The following GSTK1 variants were observed in gnomAD, a reference collection of about 807,000 sequenced individuals.
The protein encoded by GSTK1 is glutathione S-transferase kappa 1, also known as GST class-kappa.
Under a neutral mutation model 30.9 loss-of-function variants are expected in GSTK1, and 25 were observed. The ratio of observed to expected loss-of-function variants is 0.81; its 90% CI spans 0.59 to 1.13. The LOEUF (loss-of-function observed/expected upper bound fraction) is 1.13, where lower values mean the gene tolerates loss of function less well. Among genes scored for constraint, GSTK1 ranks in the 50% most tolerant of loss-of-function variants. The probability of loss-of-function intolerance (pLI) is 0.00; values close to 1 mark genes in which losing one functional copy is unlikely to be tolerated. For missense variants in GSTK1, 292 were observed against 292.4 expected, an observed-to-expected ratio of 1.00 and a Z score of 0.01; for synonymous variants, 108 against 112.5, an observed-to-expected ratio of 0.96 and a Z score of 0.25.
rs746644751 is a variant in GSTK1 at position 143,268,819 on chromosome 7, C to T, written c.663C>T (p.Ala221=). 6.2e-6 allele frequency: 10 copies of T among 1,613,854 alleles called. No individual in the cohort carries two copies. Among genetic ancestry groups the T allele is most frequent in the South Asian group, 3.3e-5 (3 of 91,084 alleles). The change falls in exon 8 of 8, where the codon GCC becomes GCT. Residue 221 remains alanine (A), a synonymous_variant. Coordinates refer to ENST00000358406, the MANE Select transcript of GSTK1 (RefSeq NM_015917.3). This position sits in a 1 kb window ranked among gnomAD's most constrained non-coding sequence, Gnocchi z 4.1. ...GEKWMGPIPP[A]VNARL is the part of the protein sequence containing the mutation. ...AGTGGATGGGCCCTATACCTCCAGC[C>T]GTGAATGCCAGACTTTAAGATTGCC...
In GSTK1 at chr7:143,268,181, C is replaced by T. The variant is rs1800937769; in HGVS notation, c.628C>T (p.Leu210=). Residue 210 remains leucine (L), a synonymous_variant, in exon 7 of 8, where the codon CTG becomes TTG. Coordinates refer to ENST00000358406, the MANE Select transcript of GSTK1 (RefSeq NM_015917.3). The surrounding 1 kb of genome is among the most constrained non-coding windows in gnomAD (Gnocchi z 4.1). ...CCGGATGGAGCTGCTGGCGCACCTG[C>T]TGGGTAAGTAAGTTAAAGAATCAAC... is the stretch of plus-strand genomic sequence containing the variant. ...SDRMELLAHL[L]GEKWMGPIPP... is the part of the protein sequence containing the mutation. 1 of 1,612,920 alleles carries T rather than the reference C, an allele frequency of 6.2e-7. No individual in the cohort carries two copies. Among genetic ancestry groups the T allele is most frequent in the East Asian group, 2.2e-5 (1 of 44,874 alleles).
chr7:143,263,519 G>T lies in GSTK1; in HGVS notation c.6G>T (p.Gly2=), dbSNP rs1386884929. 1.3e-5 allele frequency: 21 copies of T among 1,609,934 alleles called. No individual in the cohort carries two copies. Among genetic ancestry groups the T allele is most frequent in the Non-Finnish European group, 1.8e-5 (21 of 1,179,964 alleles). The change falls in exon 1 of 8, where the codon GGG becomes GGT. Residue 2 remains glycine (G), a synonymous_variant. Transcript: ENST00000358406. M[G]PLPRTVELFY... ...GCTCTTCCGGAGCCTGCAGCATGGG[G>T]CCCCTGCCGCGCACCGTGGAGCTCT... is the stretch of plus-strand genomic sequence containing the variant.
At position 143,264,644 on chromosome 7, in the gene GSTK1, C is replaced by T. The variant is rs748550470; in HGVS notation, c.251C>T (p.Pro84Leu). 1.1e-5 allele frequency: 18 copies of T among 1,613,960 alleles called. No homozygotes were observed. Among genetic ancestry groups the T allele is most frequent in the Non-Finnish European group, 1.7e-6 (2 of 1,179,992 alleles). ...CATCTCCAGATTCCCATCCACTTCC[C>T]CAAGGATTTCTTGTCTGTGATGCTT... Reference protein sequence around the residue: ...RHHLQIPIHFPKDFLSVMLEK... With the variant: ...RHHLQIPIHFLKDFLSVMLEK... Residue 84 changes from proline (P) to leucine (L), a missense_variant, in exon 3 of 8, where the codon CCC becomes CTC. Transcript: ENST00000358406.
Position 143,268,772 on chromosome 7 carries a change from TG to T in GSTK1, c.632-15del. 1 of 1,613,254 alleles carries T rather than the reference TG, an allele frequency of 6.2e-7. No homozygotes were observed. The highest frequency in any genetic ancestry group is 8.5e-7 in the Non-Finnish European group (1 of 1,179,236). ...CCTGAGAACAGTGTGCAGAGTCTGT[TG>T]TTTTCTTCATCCAGGAGAGAAGTGG... On this transcript the variant is annotated splice_polypyrimidine_tract_variant and intron_variant, in intron 7 of 7. Transcript: ENST00000358406. This position sits in a 1 kb window ranked among gnomAD's most constrained non-coding sequence, Gnocchi z 4.1.
chr7:143,268,199 G>T lies in GSTK1; in HGVS notation c.631+15G>T. ...GCACCTGCTGGGTAAGTAAGTTAAA[G>T]AATCAACCCTGAGCCAGGTGCAGTG... On this transcript the variant is annotated intron_variant, in intron 7 of 7. Transcript: ENST00000358406. The surrounding 1 kb of genome is among the most constrained non-coding windows in gnomAD (Gnocchi z 4.1). 1 of 1,606,688 alleles carries T rather than the reference G, an allele frequency of 6.2e-7. No individual in the cohort carries two copies. The highest frequency in any genetic ancestry group is 1.1e-5 in the South Asian group (1 of 90,574).
In GSTK1 at chr7:143,265,427, T is replaced by C. The variant is rs967365321; in HGVS notation, c.420+131T>C. On this transcript the variant is annotated intron_variant, in intron 5 of 7. Transcript: ENST00000358406. ...TAATTACTGGGGAAGAAAGGATGTCTGTGATTCAGGGCACAAACTACTGAA... is the reference window on the plus strand; with the variant it reads ...TAATTACTGGGGAAGAAAGGATGTCCGTGATTCAGGGCACAAACTACTGAA... The C allele has an allele frequency of 3.5e-6, 3 of 858,208 alleles. No homozygotes were observed. In the African/African-American group the frequency reaches 5.1e-5, roughly 15 times the overall value. The allele number at this position is 858,208 out of a possible 1,614,324, so 53.2% of individuals were successfully genotyped here. A position where few individuals can be genotyped will look rare whatever the true frequency, so the allele number is the denominator to read the frequency against.
At position 143,263,499 on chromosome 7, in the gene GSTK1, TC is replaced by T; in HGVS notation, c.-13del. ...AAGGAGCTCCTGCTGCCACTGCTCTTCCGGAGCCTGCAGCATGGGGCCCCTG... is the reference window on the plus strand; with the variant it reads ...AAGGAGCTCCTGCTGCCACTGCTCTTCGGAGCCTGCAGCATGGGGCCCCTG... On this transcript the variant is annotated 5_prime_UTR_variant, in exon 1 of 8. Coordinates refer to ENST00000358406, the MANE Select transcript of GSTK1 (RefSeq NM_015917.3). 2 of 1,608,246 alleles carry T rather than the reference TC, an allele frequency of 1.2e-6. No homozygotes were observed. Among genetic ancestry groups the T allele is most frequent in the Non-Finnish European group, 1.7e-6 (2 of 1,179,478 alleles).
chr7:143,265,373 A>G, intron 5 of GSTK1, 77 bp downstream of exon 5: 2 of 1,248,458 alleles, frequency 1.6e-6, no homozygotes, highest in East Asian at 5.1e-5. Context: ...AAAGAAGACA[A>G]TAGGTCTCTT....
rs1342698160 is a variant in GSTK1, at chr7:143,263,696, G to T, written c.72+111G>T. On this transcript the variant is annotated intron_variant, in intron 1 of 7. Transcript: ENST00000358406. The stretch of plus-strand genomic sequence containing the variant: ...CGTGTAACTCCTGGCGCCGCCCAAG[G>T]GGTTAAGGCAAGCAGGGAGAGCTCC... 5.0e-6 allele frequency: 5 copies of T among 996,472 alleles called. No homozygotes were observed. In the Admixed American group the frequency reaches 1.0e-4, roughly 20 times the overall value. The allele number at this position is 996,472 out of a possible 1,614,324, so 61.7% of individuals were successfully genotyped here.
At position 143,267,615 on chromosome 7, in the gene GSTK1, A is replaced by C. The variant is rs570471159; in HGVS notation, c.421-2A>C. 7 of 1,603,710 alleles carry C rather than the reference A, an allele frequency of 4.4e-6. No individual in the cohort carries two copies. The African/African-American group carries it at 9.4e-5, about 21-fold the overall frequency. On this transcript the variant is annotated splice_acceptor_variant, in intron 5 of 7. Transcript: ENST00000358406. LOFTEE classifies it high-confidence loss of function. Reference sequence around the variant, plus strand: ...GTTGTATTCCCTACTATATTCCCTTAGGCTGCAGAGAAGGCTGGTATGTCT... The same window carrying C: ...GTTGTATTCCCTACTATATTCCCTTCGGCTGCAGAGAAGGCTGGTATGTCT...
At position 143,263,506 on chromosome 7, in the gene GSTK1, C is replaced by G; in HGVS notation, c.-8C>G. On this transcript the variant is annotated 5_prime_UTR_variant, in exon 1 of 8. Transcript: ENST00000358406. ...TCCTGCTGCCACTGCTCTTCCGGAG[C>G]CTGCAGCATGGGGCCCCTGCCGCGC... The G allele has an allele frequency of 6.2e-7, 1 of 1,608,994 alleles. No homozygotes were observed. The highest frequency in any genetic ancestry group is 8.5e-7 in the Non-Finnish European group (1 of 1,179,642).
At chr7:143,266,852 G>A (rs1339542856) in intron 5 of GSTK1, among the ~76,000 whole-genome samples, 1 of 151,236 alleles carries the variant, frequency 6.6e-6, no homozygotes, top group South Asian at 2.1e-4. Context: ...TAGAGATGGG[G>A]GTTTCACTTT....
At position 143,268,049 on chromosome 7, in the gene GSTK1, G is replaced by T; in HGVS notation, c.538-42G>T. On this transcript the variant is annotated intron_variant, in intron 6 of 7. Coordinates refer to ENST00000358406, the MANE Select transcript of GSTK1 (RefSeq NM_015917.3). The surrounding 1 kb of genome is among the most constrained non-coding windows in gnomAD (Gnocchi z 4.1). Reference sequence around the variant, plus strand: ...AGGTTTCAACCCCTGCCTAATACCTGCTCCTTTGCCTTCCTCCTTGCATTG... The same window carrying T: ...AGGTTTCAACCCCTGCCTAATACCTTCTCCTTTGCCTTCCTCCTTGCATTG... 2 of 1,477,038 alleles carry T rather than the reference G, an allele frequency of 1.4e-6. No homozygotes were observed. The highest frequency in any genetic ancestry group is 1.9e-6 in the Non-Finnish European group (2 of 1,063,058). 91.5% of individuals were successfully genotyped at this position (1,477,038 alleles called of 1,614,324 possible).
chr7:143,263,586 G>C lies in GSTK1; in HGVS notation c.72+1G>C. ...CCCCTACTCCTGGCTGGGCTTCGAG[G>C]TGACGCTGGGAGGGGTCGCCTCGGC... On this transcript the variant is annotated splice_donor_variant, in intron 1 of 7. Transcript: ENST00000358406. LOFTEE classifies it high-confidence loss of function. 1.2e-6 allele frequency: 2 copies of C among 1,608,486 alleles called. No individual in the cohort carries two copies. The highest frequency in any genetic ancestry group is 1.7e-6 in the Non-Finnish European group (2 of 1,179,878).
Position 143,269,053 on chromosome 7 carries a change from G to A in GSTK1, c.*216G>A, listed in dbSNP as rs139301639. ...ACCTTTACTTCTATGCCTCACAAGT[G>A]CCTTTCAGAGAGCCCCAATTCTGCT... is the stretch of plus-strand genomic sequence containing the variant. On this transcript the variant is annotated 3_prime_UTR_variant, in exon 8 of 8. Transcript: ENST00000358406. The A allele has an allele frequency of 5.7e-4, 330 of 580,352 alleles. No homozygotes were observed. In the African/African-American group the frequency reaches 5.9e-3, roughly 10 times the overall value. The allele number at this position is 580,352 out of a possible 1,614,324, so 36.0% of individuals were successfully genotyped here.
chr7:143,268,956 G>A lies in GSTK1; in HGVS notation c.*119G>A. The A allele has an allele frequency of 2.3e-6, 2 of 853,782 alleles. No homozygotes were observed. The highest frequency in any genetic ancestry group is 2.8e-5 in the South Asian group (2 of 70,638). The allele number at this position is 853,782 out of a possible 1,614,324, so 52.9% of individuals were successfully genotyped here. A position where few individuals can be genotyped will look rare whatever the true frequency, so the allele number is the denominator to read the frequency against. On this transcript the variant is annotated 3_prime_UTR_variant, in exon 8 of 8. Transcript: ENST00000358406. This position sits in a 1 kb window ranked among gnomAD's most constrained non-coding sequence, Gnocchi z 4.1. ...CTATCTGATAGAGGTATTTTCTGTG[G>A]CCCTGGGAGCTGTCTGTCTTTCCCC...
chr7:143,267,694 C>T lies in GSTK1; in HGVS notation c.498C>T (p.Asn166=), dbSNP rs1201452847. ...LEKIATPKVK[N]QLKETTEAAC... ...AGATCGCAACGCCAAAGGTGAAGAA[C>T]CAGCTCAAGGAGACCACTGAGGCAG... Residue 166 remains asparagine, a synonymous_variant, in exon 6 of 8, where the codon AAC becomes AAT. Coordinates refer to ENST00000358406, the MANE Select transcript of GSTK1 (RefSeq NM_015917.3). 1.9e-6 allele frequency: 3 copies of T among 1,613,902 alleles called. No homozygotes were observed. The highest frequency in any genetic ancestry group is 1.7e-5 in the Admixed American group (1 of 60,004).
intron 1 of GSTK1, 43 bp downstream of exon 1, chr7:143,263,628 G>C (rs1800776555): frequency 6.4e-7 from 1 of 1,566,444 alleles, no homozygotes; most frequent in African/African-American, 1.3e-5. Context: ...TGGGGAGTGA[G>C]GGCGGAGGGA....
In GSTK1 at chr7:143,267,624, A is replaced by C. The variant is rs761206789; in HGVS notation, c.428A>C (p.Glu143Ala). Residue 143 changes from glutamate to alanine, a missense_variant, in exon 6 of 8, where the codon GAG becomes GCG. Physicochemically the swap from Glu to Ala is moderately radical, Grantham distance 107 (BLOSUM62 -1). Transcript: ENST00000358406. Reference sequence around the variant, plus strand: ...CCTACTATATTCCCTTAGGCTGCAGAGAAGGCTGGTATGTCTGCAGAACAA... The same window carrying C: ...CCTACTATATTCCCTTAGGCTGCAGCGAAGGCTGGTATGTCTGCAGAACAA... Reference protein sequence around the residue: ...TEPQSILAAAEKAGMSAEQAQ... With the variant: ...TEPQSILAAAAKAGMSAEQAQ... 3.7e-5 allele frequency: 59 copies of C among 1,612,430 alleles called. No individual in the cohort carries two copies. The highest frequency in any genetic ancestry group is 4.7e-5 in the Non-Finnish European group (55 of 1,178,480).
Sources: gnomAD v4.1 joint callset for allele counts (sites outside exome capture counted in the v4.1 genomes callset) on GRCh38, gnomAD v4.1.1 for gene constraint, Gnocchi (gnomAD v3.1) non-coding constraint, MANE v1.5 for transcripts, NCBI Gene and HGNC (gene_info 2026-07-23, HGNC 2026-07-21) for gene names.